Variants in SLC6A12 observed in about 807,000 individuals in gnomAD.
The protein encoded by SLC6A12 is sodium- and chloride-dependent betaine transporter.
In SLC6A12, 50 loss-of-function variants were observed where a neutral mutation model predicts 73.3. That is an observed-to-expected ratio of 0.68 (90% CI 0.54 to 0.86). The LOEUF (loss-of-function observed/expected upper bound fraction) is 0.86. Ranked by LOEUF, SLC6A12 falls within the 40% of genes least tolerant of loss-of-function variation. The pLI is 0.00. For missense variants in SLC6A12, 648 were observed against 772.8 expected (o/e 0.84, Z 1.92); for synonymous variants, 304 against 309.2 (o/e 0.98, Z 0.18).
At position 191,144 on chromosome 12, in the gene SLC6A12, C is replaced by T; in HGVS notation, c.1769G>A (p.Gly590Asp). Residue 590 changes from glycine (G) to aspartate (D), a missense_variant, in exon 16 of 16, where the codon GGC (glycine) becomes GAC (aspartate). Physicochemically the swap from Gly to Asp is moderately conservative, Grantham distance 94 (BLOSUM62 -1). Coordinates refer to ENST00000684302, the MANE Select transcript of SLC6A12 (RefSeq NM_001122848.3). The stretch of plus-strand genomic sequence containing the variant: ...GGGCCCAAAGTTCCGGCCAGCACTG[C>T]CATCCAAGCAGGGATGTTGCTTGGG... ...PQPKQHPCLD[G>D]SAGRNFGPSP... is the part of the protein sequence containing the mutation. 7.5e-7 allele frequency: 1 copy of T among 1,338,658 alleles called. No homozygotes were observed. Among genetic ancestry groups the T allele is most frequent in the South Asian group, 2.5e-5 (1 of 39,302 alleles). 82.9% of individuals were successfully genotyped at this position (1,338,658 alleles called of 1,614,324 possible).
At chr12:209,387 G>A (rs1940810261) in intron 3 of SLC6A12, among the ~76,000 whole-genome samples, 1 of 152,124 alleles carries the variant, frequency 6.6e-6, no homozygotes, top group South Asian at 2.1e-4. Context: ...CCCACGGAGG[G>A]TGGCACACGG....
intron 4 of SLC6A12, chr12:204,312 A>C (rs2137179909): frequency 2.1e-6 from 1 of 486,704 alleles, no homozygotes; most frequent in East Asian, 3.6e-5. Context: ...TGGTTGCCCC[A>C]AGAGGCATCA....
chr12:201,680 C>T lies in SLC6A12; in HGVS notation c.578+82G>A, dbSNP rs1940270845. On this transcript the variant is annotated intron_variant, in intron 6 of 15. Transcript: ENST00000684302. ...TGGAAAGCACACACAGAATCTTAAACTTGCACCCCAGACATTCAGACTTGC... is the reference window on the plus strand; with the variant it reads ...TGGAAAGCACACACAGAATCTTAAATTTGCACCCCAGACATTCAGACTTGC... The T allele has an allele frequency of 7.1e-6, 8 of 1,121,778 alleles. No homozygotes were observed. The South Asian group carries it at 1.0e-4, about 14-fold the overall frequency. 69.5% of individuals were successfully genotyped at this position (1,121,778 alleles called of 1,614,324 possible). A position where few individuals can be genotyped will look rare whatever the true frequency, so the allele number is the denominator to read the frequency against.
chr12:187,644 A>G (rs1272299761), downstream of SLC6A12, among the ~76,000 whole-genome samples: 1 of 130,808 alleles, frequency 7.6e-6, no homozygotes, highest in Admixed American at 8.4e-5. Flanking sequence ...AACCACACAC[A>G]CAGCACCCAC....
At chr12:196,695 G>A (rs1368576458) in intron 11 of SLC6A12, 75 bp downstream of exon 11, 4 of 1,040,012 alleles carry the variant, frequency 3.8e-6, no homozygotes, top group East Asian at 4.8e-5. Context: ...GGAGTGAGGG[G>A]AAAGTAGTCC....
At chr12:185,101 C>T (rs1404003284), downstream of SLC6A12, among the ~76,000 whole-genome samples, 2 of 152,318 alleles carry the variant, frequency 1.3e-5, no homozygotes, top group Non-Finnish European at 1.5e-5. Flanking sequence ...TATTTCCAGA[C>T]AGTCTGAGTG....
chr12:186,778 C>G (rs1206438483), downstream of SLC6A12, among the ~76,000 whole-genome samples: 1 of 152,184 alleles, frequency 6.6e-6, no homozygotes, highest in East Asian at 1.9e-4. Flanking sequence ...TATCCACTAC[C>G]CTTCTTCGGG....
Position 198,042 on chromosome 12 carries a change from A to G in SLC6A12, c.847-39T>C. 6.4e-7 allele frequency: 1 copy of G among 1,560,960 alleles called. No homozygotes were observed. Among genetic ancestry groups the G allele is most frequent in the South Asian group, 1.1e-5 (1 of 89,740 alleles). On this transcript the variant is annotated intron_variant, in intron 8 of 15. Coordinates refer to ENST00000684302, the MANE Select transcript of SLC6A12 (RefSeq NM_001122848.3). The surrounding 1 kb of genome is among the most constrained non-coding windows in gnomAD (Gnocchi z 4.0). The stretch of plus-strand genomic sequence containing the variant: ...CAAGAAAGAGGTAGAGGCAGCCCCC[A>G]GGGCCCAGAGCCAGGGTGACCCGAG...
At chr12:187,397 G>A (rs1467867664), downstream of SLC6A12, among the ~76,000 whole-genome samples, 26 of 151,944 alleles carry the variant, frequency 1.7e-4, no homozygotes, top group Non-Finnish European at 7.4e-5. Flanking sequence ...GCTCCGGAGT[G>A]AAACTGCGGA....
At chr12:204,505 T>C (rs1940516595) in intron 4 of SLC6A12, 59 bp downstream of exon 4, 3 of 1,528,182 alleles carry the variant, frequency 2.0e-6, no homozygotes, top group Non-Finnish European at 2.7e-6. Context: ...GGAGAGACCA[T>C]GGGGGGATGC....
chr12:187,589 C>CAAAAGAGCAAAAAAAAAAAAAAAAAAA (rs1939453849), downstream of SLC6A12, among the ~76,000 whole-genome samples: 1 of 106,074 alleles, frequency 9.4e-6, no homozygotes, highest in African/African-American at 5.3e-5. Context: ...TGCAAAAGAG[C>CAAAAGAGCAAAAAAAAAAAAAAAAAAA]AAAAAAAAAA....
In SLC6A12 at chr12:213,738, C is replaced by T. The variant is rs1591812048; in HGVS notation, c.-143+184G>A. On this transcript the variant is annotated intron_variant, in intron 1 of 15. Coordinates refer to ENST00000684302, the MANE Select transcript of SLC6A12 (RefSeq NM_001122848.3). The surrounding 1 kb of genome is among the most constrained non-coding windows in gnomAD (Gnocchi z 5.3). The stretch of plus-strand genomic sequence containing the variant: ...TGGATGGGGCGGAGCTAGGGGGCAC[C>T]CCTTGTCCTGAGAGTCGTGGGCATC... 1 of 152,526 alleles carries T rather than the reference C, an allele frequency of 6.6e-6. No individual in the cohort carries two copies. The highest frequency in any genetic ancestry group is 2.4e-5 in the African/African-American group (1 of 41,468). The allele number at this position is 152,526 out of a possible 1,614,324, so 9.4% of individuals were successfully genotyped here. A position where few individuals can be genotyped will look rare whatever the true frequency, so the allele number is the denominator to read the frequency against.
At chr12:188,596 G>A (rs1441060991), downstream of SLC6A12, among the ~76,000 whole-genome samples, 1 of 152,214 alleles carries the variant, frequency 6.6e-6, no homozygotes, top group Non-Finnish European at 1.5e-5. Flanking sequence ...AGGGCTGTGA[G>A]GGCTGGGGGC....
intron 2 of SLC6A12, chr12:211,127 C>G (rs929204858): frequency 6.6e-6 from 1 of 152,216 alleles, no homozygotes; most frequent in Non-Finnish European, 1.5e-5. Flanking sequence ...CATCCCGCAG[C>G]CCCTCACCTC....
In SLC6A12 at chr12:197,427, C is replaced by A; in HGVS notation, c.1025G>T (p.Gly342Val). ...VAGFVVFSIL[G>V]FMSQEQGVPI... The stretch of plus-strand genomic sequence containing the variant: ...CACCCCTTGCTCTTGGGACATGAAG[C>A]CCAGGATGGAGAAGACAACAAACCC... Residue 342 changes from glycine to valine, a missense_variant, in exon 10 of 16, where the codon GGC becomes GTC. Transcript: ENST00000684302. 5.0e-6 allele frequency: 8 copies of A among 1,613,862 alleles called. No homozygotes were observed. The highest frequency in any genetic ancestry group is 6.8e-6 in the Non-Finnish European group (8 of 1,179,918).
rs576349399 is a variant in SLC6A12, at chr12:191,906, C to T, written c.1701+572G>A. ...ACCTTCTTGAAACATAAAAAACAAACAAGCCTATTTGCTGAAACTGTTGGA... is the reference window on the plus strand; with the variant it reads ...ACCTTCTTGAAACATAAAAAACAAATAAGCCTATTTGCTGAAACTGTTGGA... On this transcript the variant is annotated intron_variant, in intron 15 of 15. Transcript: ENST00000684302. 2.6e-5 allele frequency among the ~76,000 whole-genome samples: 4 copies of T among 152,328 alleles called. No individual in the cohort carries two copies. The East Asian group carries it at 7.7e-4, about 29-fold the overall frequency.
intron 7 of SLC6A12, among the ~76,000 whole-genome samples, 154 bp downstream of exon 7, chr12:200,497 T>C (rs1940196521): frequency 6.6e-6 from 1 of 152,230 alleles, no homozygotes; most frequent in Admixed American, 6.5e-5. Flanking sequence ...CGCCTTCCTG[T>C]GGCTCCCCCT....
chr12:193,428 T>C (rs1257436464), intron 13 of SLC6A12, 51 bp from the exon 14 acceptor site: 2 of 1,403,408 alleles, frequency 1.4e-6, no homozygotes, highest in Non-Finnish European at 2.0e-6. Context: ...TGAGAACAGC[T>C]TCCCGGTGTT....
Position 209,958 on chromosome 12 carries a change from C to G in SLC6A12, c.29G>C (p.Cys10Ser), listed in dbSNP as rs150191926. Residue 10 changes from cysteine (C) to serine (S), a missense_variant, in exon 3 of 16, where the codon TGT (cysteine) becomes TCT (serine). By Grantham distance (112) the Cys-to-Ser change is moderately radical (BLOSUM62 -1). Transcript: ENST00000684302. MDGKVAVQE[C>S]GPPAVSWVPE... ...GACCCAGGAGACTGCAGGAGGCCCA[C>G]ACTCTTGCACTGCCACCTTCCCGTC... 9.3e-6 allele frequency: 15 copies of G among 1,614,174 alleles called. No homozygotes were observed. Among genetic ancestry groups the G allele is most frequent in the Admixed American group, 3.3e-5 (2 of 60,028 alleles).
Sources: gnomAD v4.1 joint callset for allele counts (sites outside exome capture counted in the v4.1 genomes callset) on GRCh38, gnomAD v4.1.1 for gene constraint, Gnocchi (gnomAD v3.1) non-coding constraint, MANE v1.5 for transcripts, NCBI Gene and HGNC (gene_info 2026-07-23, HGNC 2026-07-21) for gene names.